The following ICA1 variants were observed in gnomAD, a reference collection of about 807,000 sequenced individuals.
ICA1 encodes islet cell autoantigen 1, also known as 69 kDa islet cell autoantigen.
Under a neutral mutation model 71.0 loss-of-function variants are expected in ICA1, and 40 were observed. That is an observed-to-expected ratio of 0.56 (90% CI 0.44 to 0.73). ICA1 has a LOEUF of 0.73. ICA1 is among the 30% of genes least tolerant of loss of function. The pLI, the probability that ICA1 is intolerant of heterozygous loss-of-function variation, is 0.00. For missense variants in ICA1, 578 were observed against 576.5 expected (o/e 1.00, Z -0.03); for synonymous variants, 207 against 209.5 (o/e 0.99, Z 0.10).
chr7:8,186,547 A>G (rs989730612), intron 6 of ICA1, among the ~76,000 whole-genome samples: 3 of 152,226 alleles, frequency 2.0e-5, no homozygotes, highest in Non-Finnish European at 4.4e-5. Flanking sequence ...GTAGGCTGCT[A>G]TACAAATGGA....
chr7:8,248,584 T>C (rs1262148062), intron 1 of ICA1, among the ~76,000 whole-genome samples: 1 of 152,076 alleles, frequency 6.6e-6, no homozygotes, highest in Non-Finnish European at 1.5e-5. Context: ...GGCATGGTGG[T>C]GCACACTTGT....
chr7:8,205,430 G>A (rs908111794), intron 6 of ICA1, among the ~76,000 whole-genome samples: 1 of 152,178 alleles, frequency 6.6e-6, no homozygotes, highest in Non-Finnish European at 1.5e-5. Flanking sequence ...TGTGTTCCCA[G>A]TCATACCTGA....
intron 6 of ICA1, among the ~76,000 whole-genome samples, chr7:8,181,791 A>G (rs1293993196): frequency 6.6e-6 from 1 of 152,210 alleles, no homozygotes; most frequent in Non-Finnish European, 1.5e-5. Flanking sequence ...TAGTATTCAC[A>G]TCACCTTTCT....
chr7:8,182,661 T>C (rs1223637057), intron 6 of ICA1, among the ~76,000 whole-genome samples: 1 of 152,198 alleles, frequency 6.6e-6, no homozygotes, highest in Non-Finnish European at 1.5e-5. Context: ...AAAGGGTTAT[T>C]AAAGAAGGTC....
At chr7:8,167,168 G>A (rs956369292) in intron 6 of ICA1, among the ~76,000 whole-genome samples, 1 of 152,168 alleles carries the variant, frequency 6.6e-6, no homozygotes, top group Non-Finnish European at 1.5e-5. Context: ...AAAGACACAT[G>A]CACACATGTG....
intron 6 of ICA1, among the ~76,000 whole-genome samples, chr7:8,189,084 C>T (rs925496063): frequency 1.3e-5 from 2 of 152,168 alleles, no homozygotes; most frequent in African/African-American, 4.8e-5. Context: ...TGAGCTTTTA[C>T]AGAACCCAGT....
chr7:8,144,637 A>G lies in ICA1; in HGVS notation c.805-665T>C, dbSNP rs1394797944. On this transcript the variant is annotated intron_variant, in intron 8 of 13. Transcript: ENST00000402384. This position sits in a 1 kb window ranked among gnomAD's most constrained non-coding sequence, Gnocchi z 4.5. ...ATTTTCAAGGTTAACTAAATATTTA[A>G]GTTTTTTTTTTTAAACAGCAAGTGC... 4.6e-5 allele frequency among the ~76,000 whole-genome samples: 2 copies of G among 43,540 alleles called. No individual in the cohort carries two copies. Among genetic ancestry groups the G allele is most frequent in the Non-Finnish European group, 1.3e-4 (2 of 15,102 alleles). The allele number at this position is 43,540 out of a possible 152,430, so 28.6% of individuals were successfully genotyped here. A position where few individuals can be genotyped will look rare whatever the true frequency, so the allele number is the denominator to read the frequency against.
intron 8 of ICA1, among the ~76,000 whole-genome samples, chr7:8,152,048 C>G (rs1385363598): frequency 6.6e-6 from 1 of 152,148 alleles, no homozygotes; most frequent in Non-Finnish European, 1.5e-5. Context: ...GGCCCTACTG[C>G]CTTTCCTGCC....
intron 6 of ICA1, among the ~76,000 whole-genome samples, chr7:8,213,060 G>C (rs1361600273): frequency 6.6e-6 from 1 of 152,172 alleles, no homozygotes; most frequent in Non-Finnish European, 1.5e-5. Context: ...TTGGCAGCTA[G>C]AGTCAATCTA....
chr7:8,171,293 G>T (rs1451641842), intron 6 of ICA1, among the ~76,000 whole-genome samples: 1 of 151,858 alleles, frequency 6.6e-6, no homozygotes, highest in Non-Finnish European at 1.5e-5. Context: ...TTTGTAGAAA[G>T]ATTTTTAACT....
intron 13 of ICA1, among the ~76,000 whole-genome samples, chr7:8,122,574 A>G (rs1352234218): frequency 6.6e-6 from 1 of 152,226 alleles, no homozygotes; most frequent in Non-Finnish European, 1.5e-5. Context: ...TCTGCATTCA[A>G]ACTATAAATA....
chr7:8,186,885 T>C (rs12702702), intron 6 of ICA1, among the ~76,000 whole-genome samples: 150,624 of 152,344 alleles, frequency 0.99, 74,466 homozygotes, highest in Middle Eastern at 1. Flanking sequence ...AAAGATAAGC[T>C]ATTCAATATC....
At chr7:8,125,933 G>T (rs947596415) in intron 13 of ICA1, among the ~76,000 whole-genome samples, 2 of 152,142 alleles carry the variant, frequency 1.3e-5, no homozygotes, top group African/African-American at 4.8e-5. Flanking sequence ...TGCCTTTCCC[G>T]TGTATATGGG....
Position 8,134,975 on chromosome 7 carries a change from GAA to G in ICA1, c.1060+3863_1060+3864del, listed in dbSNP as rs1334943089. Among the ~76,000 whole-genome samples, 5 of 152,026 alleles carry G rather than the reference GAA, an allele frequency of 3.3e-5. No individual in the cohort carries two copies. In the East Asian group the frequency reaches 9.6e-4, roughly 29 times the overall value. The stretch of plus-strand genomic sequence containing the variant: ...ATGTTAGAAGACAAGTAATCTTACT[GAA>G]AAACATAAAACCTAGGGCAGGGATA... On this transcript the variant is annotated intron_variant, in intron 12 of 13. Coordinates refer to ENST00000402384, the MANE Select transcript of ICA1 (RefSeq NM_001136020.3).
At chr7:8,193,753 T>A (rs1329824400) in intron 6 of ICA1, among the ~76,000 whole-genome samples, 1 of 152,196 alleles carries the variant, frequency 6.6e-6, no homozygotes, top group South Asian at 2.1e-4. Context: ...ATTTATTACA[T>A]TATACTTTGC....
intron 1 of ICA1, among the ~76,000 whole-genome samples, chr7:8,243,487 T>C (rs1381644128): frequency 6.6e-6 from 1 of 152,210 alleles, no homozygotes; most frequent in African/African-American, 2.4e-5. Flanking sequence ...ACTGGAAGCA[T>C]TCCCTCTGAA....
intron 12 of ICA1, among the ~76,000 whole-genome samples, chr7:8,131,238 G>T (rs75347085): frequency 0.01 from 1,530 of 152,280 alleles, 27 homozygotes; most frequent in African/African-American, 0.035. Context: ...TTGTCTAAGC[G>T]CCTGGATCCA....
intron 1 of ICA1, among the ~76,000 whole-genome samples, chr7:8,252,096 A>T (rs1808398025): frequency 6.6e-6 from 1 of 152,236 alleles, no homozygotes; most frequent in African/African-American, 2.4e-5. Context: ...TAAAGAAAAA[A>T]GTAATTTTAA....
rs770953752 is a variant in ICA1 at position 8,158,601 on chromosome 7, C to T, written c.631G>A (p.Asp211Asn). 5 of 1,614,066 alleles carry T rather than the reference C, an allele frequency of 3.1e-6. No homozygotes were observed. The South Asian group carries it at 5.5e-5, about 18-fold the overall frequency. Residue 211 changes from aspartate to asparagine, a missense_variant, in exon 7 of 14, where the codon GAT (aspartate) becomes AAT (asparagine). Transcript: ENST00000402384. ...AKKNFDKLKMDVCQKVDLLGA... is the reference protein window; with the variant it reads ...AKKNFDKLKMNVCQKVDLLGA... ...AGAAGATCCACTTTTTGACAAACATCCATCTTCAATTTGTCAAAGTTTTTT... is the reference window on the plus strand; with the variant it reads ...AGAAGATCCACTTTTTGACAAACATTCATCTTCAATTTGTCAAAGTTTTTT...
Sources: gnomAD v4.1 joint callset for allele counts (sites outside exome capture counted in the v4.1 genomes callset) on GRCh38, gnomAD v4.1.1 for gene constraint, Gnocchi (gnomAD v3.1) non-coding constraint, MANE v1.5 for transcripts, NCBI Gene and HGNC (gene_info 2026-07-23, HGNC 2026-07-21) for gene names.